The following CAMK1D variants were observed in gnomAD, a reference collection of about 807,000 sequenced individuals.
CAMK1D encodes the protein calcium/calmodulin dependent protein kinase ID.
A neutral mutation model predicts 47.7 loss-of-function variants in CAMK1D; 9 were observed. That is an observed-to-expected ratio of 0.19 (90% CI 0.11 to 0.33). The LOEUF is 0.33. Ranked by LOEUF, CAMK1D falls within the 10% of genes least tolerant of loss-of-function variation. CAMK1D has a pLI of 1.00. For missense variants in CAMK1D, 291 were observed against 488.7 expected (o/e 0.60, Z 3.81); for synonymous variants, 184 against 184.9 (o/e 0.99, Z 0.04).
At chr10:12,366,922 G>C (rs1301904747) in intron 1 of CAMK1D, among the ~76,000 whole-genome samples, 1 of 152,180 alleles carries the variant, frequency 6.6e-6, no homozygotes, top group Non-Finnish European at 1.5e-5. Context: ...GTGGGTGTCA[G>C]ACTTGAAGTT....
At position 12,745,760 on chromosome 10, in the gene CAMK1D, G is replaced by A. The variant is rs577125209; in HGVS notation, c.300-15188G>A. Among the ~76,000 whole-genome samples the A allele has an allele frequency of 5.9e-5, 9 of 152,030 alleles. No homozygotes were observed. In the South Asian group the frequency reaches 1.7e-3, roughly 28 times the overall value. On this transcript the variant is annotated intron_variant, in intron 3 of 10. Coordinates refer to ENST00000619168, the MANE Select transcript of CAMK1D (RefSeq NM_153498.4). Reference sequence around the variant, plus strand: ...TGGGATTACAGGTGCCCGCCACCACGCCCAGCTAATTTTTGGTATTTTTAG... The same window carrying A: ...TGGGATTACAGGTGCCCGCCACCACACCCAGCTAATTTTTGGTATTTTTAG...
At chr10:12,367,675 C>T (rs961652319) in intron 1 of CAMK1D, among the ~76,000 whole-genome samples, 12 of 152,082 alleles carry the variant, frequency 7.9e-5, no homozygotes, top group African/African-American at 2.9e-4. Context: ...CTGGTGCGCA[C>T]AGTTCACAAC....
At chr10:12,420,696 C>T (rs549909294) in intron 1 of CAMK1D, among the ~76,000 whole-genome samples, 16 of 152,062 alleles carry the variant, frequency 1.1e-4, no homozygotes, top group Non-Finnish European at 2.4e-4. Context: ...CAGGAGAAAA[C>T]GAAGTATATT....
chr10:12,504,403 C>T (rs893764128), intron 1 of CAMK1D, among the ~76,000 whole-genome samples: 3 of 152,060 alleles, frequency 2.0e-5, no homozygotes, highest in East Asian at 1.9e-4. Context: ...CACCAGTGTC[C>T]GAGGTCAGGC....
chr10:12,696,101 A>G (rs1259097612), intron 3 of CAMK1D, among the ~76,000 whole-genome samples: 3 of 152,096 alleles, frequency 2.0e-5, no homozygotes, highest in African/African-American at 7.2e-5. Context: ...AAAACAAAAT[A>G]AAATAAAATA....
chr10:12,635,758 A>G, intron 2 of CAMK1D, among the ~76,000 whole-genome samples: 1 of 151,468 alleles, frequency 6.6e-6, no homozygotes, highest in East Asian at 1.9e-4. Flanking sequence ...TTTATCTTAT[A>G]ATGATTAATT....
At chr10:12,726,838 T>G (rs1461769746) in intron 3 of CAMK1D, among the ~76,000 whole-genome samples, 3 of 152,242 alleles carry the variant, frequency 2.0e-5, no homozygotes, top group African/African-American at 7.2e-5. Context: ...GAGTTCTCAC[T>G]TTTGCTTCAA....
intron 3 of CAMK1D, among the ~76,000 whole-genome samples, chr10:12,676,153 C>T (rs769986232): frequency 4.6e-5 from 7 of 152,140 alleles, no homozygotes; most frequent in Admixed American, 2.0e-4. Flanking sequence ...AGGGTTTCAC[C>T]GTGTTGGCCT....
intron 1 of CAMK1D, among the ~76,000 whole-genome samples, chr10:12,551,820 A>T (rs923777797): frequency 2.6e-5 from 4 of 152,086 alleles, no homozygotes; most frequent in Non-Finnish European, 5.9e-5. Context: ...TCCATGGAAA[A>T]ACTGTTGTCC....
Position 12,827,465 on chromosome 10 carries a change from T to TCTTTCTTTCTTTCTTTCTTTCTTTCTTC in CAMK1D, c.1040-1302_1040-1301insTTCTTTCTTTCTTTCTTTCTTTCTTCCT. Among the ~76,000 whole-genome samples, 2 of 12,720 alleles carry TCTTTCTTTCTTTCTTTCTTTCTTTCTTC rather than the reference T, an allele frequency of 1.6e-4. 1 individual carries two copies. The highest frequency in any genetic ancestry group is 4.0e-4 in the African/African-American group (2 of 4,974). The allele number at this position is 12,720 out of a possible 152,430, so 8.3% of individuals were successfully genotyped here. A position where few individuals can be genotyped will look rare whatever the true frequency, so the allele number is the denominator to read the frequency against. ...TTTCTTTCTTTCTTTTCTTTCTTTG[T>TCTTTCTTTCTTTCTTTCTTTCTTTCTTC]CTGTCTGTCTTTCTTTCTTTCTTTC... On this transcript the variant is annotated intron_variant, in intron 10 of 10. Transcript: ENST00000619168.
intron 1 of CAMK1D, among the ~76,000 whole-genome samples, chr10:12,419,209 C>G (rs1839961282): frequency 6.6e-6 from 1 of 151,900 alleles, no homozygotes; most frequent in Admixed American, 6.6e-5. Flanking sequence ...AACTCAACAG[C>G]CATGATCTCA....
intron 4 of CAMK1D, among the ~76,000 whole-genome samples, chr10:12,767,087 A>G (rs983619440): frequency 2.0e-5 from 3 of 152,242 alleles, no homozygotes; most frequent in Non-Finnish European, 2.9e-5. Context: ...CCTCTGCTGC[A>G]CAACAGGCCG....
chr10:12,560,617 G>A (rs1471527992), intron 2 of CAMK1D, among the ~76,000 whole-genome samples: 7 of 151,104 alleles, frequency 4.6e-5, no homozygotes, highest in African/African-American at 1.7e-4. Context: ...TGGGGCTGAA[G>A]ATAACCACTT....
At chr10:12,470,920 A>ACGTG (rs997074427) in intron 1 of CAMK1D, among the ~76,000 whole-genome samples, 18 of 152,192 alleles carry the variant, frequency 1.2e-4, no homozygotes, top group African/African-American at 3.4e-4. Context: ...GTGTGTGTGT[A>ACGTG]CGTGCGTGCG....
At chr10:12,630,388 TAA>T (rs1554800264) in intron 2 of CAMK1D, among the ~76,000 whole-genome samples, 2 of 142,326 alleles carry the variant, frequency 1.4e-5, no homozygotes, top group East Asian at 2.1e-4. Context: ...TTTTTTTTTT[TAA>T]AAAAAAGACA....
At chr10:12,758,463 A>G (rs1836338279) in intron 3 of CAMK1D, among the ~76,000 whole-genome samples, 1 of 152,180 alleles carries the variant, frequency 6.6e-6, no homozygotes, top group South Asian at 2.1e-4. Flanking sequence ...ATTCTTTCCA[A>G]GCAGTGTTCA....
At chr10:12,826,903 G>C (rs559365302) in intron 10 of CAMK1D, among the ~76,000 whole-genome samples, 1 of 152,218 alleles carries the variant, frequency 6.6e-6, no homozygotes, top group African/African-American at 2.4e-5. Context: ...AGCACTCCTT[G>C]TATGGCTGTT....
At chr10:12,477,502 C>T (rs558803981) in intron 1 of CAMK1D, among the ~76,000 whole-genome samples, 39 of 152,312 alleles carry the variant, frequency 2.6e-4, no homozygotes, top group East Asian at 3.9e-4. Context: ...GATTAGGAGG[C>T]GGAGTCTCCC....
intron 1 of CAMK1D, among the ~76,000 whole-genome samples, chr10:12,478,708 T>G (rs941382085): frequency 6.6e-6 from 1 of 152,140 alleles, no homozygotes; most frequent in Non-Finnish European, 1.5e-5. Context: ...ACAGGTAACC[T>G]GGACTGGCGA....
Sources: gnomAD v4.1 joint callset for allele counts (sites outside exome capture counted in the v4.1 genomes callset) on GRCh38, gnomAD v4.1.1 for gene constraint, MANE v1.5 for transcripts, NCBI Gene and HGNC (gene_info 2026-07-23, HGNC 2026-07-21) for gene names.